SEPTIN7: variants seen among roughly 807,000 people sequenced by gnomAD.
SEPTIN7 encodes septin-7.
Under a neutral mutation model 63.3 loss-of-function variants are expected in SEPTIN7, and 10 were observed. The observed-to-expected ratio is 0.16, with a 90% CI of 0.10 to 0.27. The LOEUF (loss-of-function observed/expected upper bound fraction) is 0.27, where lower values mean the gene tolerates loss of function less well. Among genes scored for constraint, SEPTIN7 ranks in the 10% least tolerant of loss-of-function variants. The probability of loss-of-function intolerance (pLI) is 1.00; values close to 1 mark genes in which losing one functional copy is unlikely to be tolerated. For missense variants in SEPTIN7, 310 were observed against 521.0 expected (o/e 0.59, Z 3.94); for synonymous variants, 131 against 165.3 (o/e 0.79, Z 1.59).
intron 10 of SEPTIN7, chr7:35,888,862 AATAAAC>A: frequency 2.7e-6 from 1 of 371,376 alleles, no homozygotes; most frequent in Non-Finnish European, 5.3e-6. Context: ...AGAAAAATTA[AATAAAC>A]ATTGTTTTAT....
chr7:35,823,270 T>C (rs1463115510), intron 1 of SEPTIN7, among the ~76,000 whole-genome samples: 1 of 152,170 alleles, frequency 6.6e-6, no homozygotes, highest in Admixed American at 6.5e-5. Flanking sequence ...AGCGTGATCT[T>C]GGCTCACTGC....
chr7:35,884,894 T>C (rs1190133220), intron 9 of SEPTIN7, among the ~76,000 whole-genome samples: 4 of 152,220 alleles, frequency 2.6e-5, no homozygotes, highest in African/African-American at 7.2e-5. Context: ...TCAGAAGTAC[T>C]TCCTCTTGGC....
At chr7:35,817,537 G>A (rs189148665) in intron 1 of SEPTIN7, among the ~76,000 whole-genome samples, 154 of 152,116 alleles carry the variant, frequency 1.0e-3, no homozygotes, top group African/African-American at 3.5e-3. Context: ...TTGAATGTCC[G>A]TCTGAACTAT....
At position 35,905,398 on chromosome 7, in the gene SEPTIN7, A is replaced by G. The variant is rs2116409068; in HGVS notation, c.*1105A>G. Reference sequence around the variant, plus strand: ...TTTTCAGCTTAAGTTTGCCTCCTCTACAATGACATCTTTTATATGCTTGTC... The same window carrying G: ...TTTTCAGCTTAAGTTTGCCTCCTCTGCAATGACATCTTTTATATGCTTGTC... On this transcript the variant is annotated 3_prime_UTR_variant, in exon 14 of 14. Coordinates refer to ENST00000350320, the MANE Select transcript of SEPTIN7 (RefSeq NM_001788.6). 6.6e-6 allele frequency: 1 copy of G among 152,476 alleles called. No individual in the cohort carries two copies. Among genetic ancestry groups the G allele is most frequent in the Non-Finnish European group, 1.5e-5 (1 of 68,044 alleles). 9.4% of individuals were successfully genotyped at this position (152,476 alleles called of 1,614,324 possible). A position where few individuals can be genotyped will look rare whatever the true frequency, so the allele number is the denominator to read the frequency against.
At chr7:35,832,950 G>A (rs1342217136) in intron 3 of SEPTIN7, 50 bp downstream of exon 3, 10 of 977,928 alleles carry the variant, frequency 1.0e-5, no homozygotes, top group African/African-American at 1.6e-5. Flanking sequence ...AGTTTTAAAC[G>A]TTAGTCAACT....
At chr7:35,858,269 A>G (rs1292285703) in intron 3 of SEPTIN7, among the ~76,000 whole-genome samples, 1 of 151,950 alleles carries the variant, frequency 6.6e-6, no homozygotes, top group Non-Finnish European at 1.5e-5. Context: ...TGATTTTAGT[A>G]ATTTGAGTCT....
At chr7:35,840,486 C>T (rs1784359313) in intron 3 of SEPTIN7, among the ~76,000 whole-genome samples, 1 of 151,812 alleles carries the variant, frequency 6.6e-6, no homozygotes, top group African/African-American at 2.4e-5. Context: ...CTGTGTTGCC[C>T]AGGCTAACCT....
chr7:35,828,791 C>T (rs1172637871), intron 1 of SEPTIN7, among the ~76,000 whole-genome samples: 1 of 151,434 alleles, frequency 6.6e-6, no homozygotes, highest in Admixed American at 6.6e-5. Context: ...TGAAATTTCT[C>T]ACTCTGTTGT....
intron 10 of SEPTIN7, among the ~76,000 whole-genome samples, chr7:35,889,804 A>G (rs1485778450): frequency 2.0e-5 from 3 of 152,160 alleles, no homozygotes; most frequent in African/African-American, 4.8e-5. Context: ...CCGGCCTCTC[A>G]AAGTGTTGGG....
intron 11 of SEPTIN7, among the ~76,000 whole-genome samples, chr7:35,895,172 T>G (rs956259460): frequency 1.3e-5 from 2 of 152,156 alleles, no homozygotes; most frequent in African/African-American, 4.8e-5. Flanking sequence ...TTAAATGGTT[T>G]TTCCAGCCAT....
intron 12 of SEPTIN7, chr7:35,899,135 T>G (rs1788141696): frequency 6.6e-6 from 1 of 152,172 alleles, no homozygotes; most frequent in South Asian, 2.1e-4. Context: ...ATAGAGCAGT[T>G]AGTTTGATAG....
At chr7:35,811,276 G>A (rs946635950) in intron 1 of SEPTIN7, among the ~76,000 whole-genome samples, 10 of 151,778 alleles carry the variant, frequency 6.6e-5, no homozygotes, top group Admixed American at 1.3e-4. Context: ...GGTATGAGGC[G>A]ATCTATACAA....
At chr7:35,804,333 G>T (rs1261979862) in intron 1 of SEPTIN7, among the ~76,000 whole-genome samples, 2 of 152,144 alleles carry the variant, frequency 1.3e-5, no homozygotes, top group Non-Finnish European at 2.9e-5. Context: ...TTGTCTTCCT[G>T]TGTCCTTTTG....
rs1788594190 is a variant in SEPTIN7, at chr7:35,906,052, T to C, written c.*1759T>C. On this transcript the variant is annotated 3_prime_UTR_variant, in exon 14 of 14. Coordinates refer to ENST00000350320, the MANE Select transcript of SEPTIN7 (RefSeq NM_001788.6). Reference sequence around the variant, plus strand: ...TTTTTTCAGTTTTTGTTTTGAGAGATTGGGTTAACACCTCTAGCCAAAATT... The same window carrying C: ...TTTTTTCAGTTTTTGTTTTGAGAGACTGGGTTAACACCTCTAGCCAAAATT... The C allele has an allele frequency of 6.6e-6, 1 of 152,178 alleles. No individual in the cohort carries two copies. The highest frequency in any genetic ancestry group is 6.5e-5 in the Admixed American group (1 of 15,274). The allele number at this position is 152,178 out of a possible 1,614,324, so 9.4% of individuals were successfully genotyped here.
intron 3 of SEPTIN7, among the ~76,000 whole-genome samples, chr7:35,856,376 A>G (rs1036554489): frequency 2.9e-4 from 44 of 152,172 alleles, no homozygotes; most frequent in African/African-American, 8.7e-4. Context: ...TATCCATTCA[A>G]CTACTGAAGG....
At chr7:35,870,652 C>T (rs1161644594) in intron 4 of SEPTIN7, among the ~76,000 whole-genome samples, 2 of 151,834 alleles carry the variant, frequency 1.3e-5, no homozygotes, top group Non-Finnish European at 2.9e-5. Context: ...AGAAGATCAC[C>T]AGATAAAATG....
intron 9 of SEPTIN7, among the ~76,000 whole-genome samples, 155 bp from the exon 10 acceptor site, chr7:35,885,673 C>T (rs765100379): frequency 6.6e-6 from 1 of 152,174 alleles, no homozygotes; most frequent in East Asian, 1.9e-4. Flanking sequence ...CATGCCCTCA[C>T]ATTGAGTGTA....
At chr7:35,877,164 G>C (rs1786521031) in intron 6 of SEPTIN7, among the ~76,000 whole-genome samples, 1 of 152,096 alleles carries the variant, frequency 6.6e-6, no homozygotes, top group Non-Finnish European at 1.5e-5. Context: ...AGTGAGGCAA[G>C]AACACAGTTT....
At chr7:35,886,813 C>G (rs185661171) in intron 10 of SEPTIN7, among the ~76,000 whole-genome samples, 11 of 152,324 alleles carry the variant, frequency 7.2e-5, no homozygotes, top group African/African-American at 2.4e-4. Flanking sequence ...AACAAGAGGT[C>G]ATTCTCAAGG....
Sources: allele counts gnomAD v4.1 joint callset (sites outside exome capture counted in the v4.1 genomes callset), GRCh38; gene constraint gnomAD v4.1.1; transcripts MANE v1.5; gene names NCBI Gene and HGNC (gene_info 2026-07-23, HGNC 2026-07-21).